TTC29: variants seen among roughly 807,000 people sequenced by gnomAD.
TTC29 encodes tetratricopeptide repeat protein 29.
A neutral mutation model predicts 58.1 loss-of-function variants in TTC29; 49 were observed. That is an observed-to-expected ratio of 0.84 (90% CI 0.67 to 1.07). The LOEUF is 1.07. Among genes scored for constraint, TTC29 ranks in the 50% least tolerant of loss-of-function variants. The probability of loss-of-function intolerance (pLI) is 0.00; values close to 1 mark genes in which losing one functional copy is unlikely to be tolerated. For synonymous variants in TTC29, 209 were observed against 196.8 expected (o/e 1.06, Z -0.52); for missense variants, 582 against 555.6 (o/e 1.05, Z -0.48).
intron 4 of TTC29, among the ~76,000 whole-genome samples, chr4:146,921,113 G>T (rs58778965): frequency 0.064 from 9,673 of 151,426 alleles, 1,069 homozygotes; most frequent in African/African-American, 0.22. Flanking sequence ...GTAAGTGTGC[G>T]CTGCGCACAT....
At chr4:146,826,978 G>T (rs1284318241) in intron 9 of TTC29, among the ~76,000 whole-genome samples, 1 of 151,850 alleles carries the variant, frequency 6.6e-6, no homozygotes, top group Non-Finnish European at 1.5e-5. Flanking sequence ...CTCTAAACTG[G>T]TTATTCTAGT....
At chr4:146,803,346 A>G (rs1481325246) in intron 11 of TTC29, 111 bp downstream of exon 11, 2 of 789,138 alleles carry the variant, frequency 2.5e-6, no homozygotes, top group South Asian at 1.9e-5. Flanking sequence ...TAAAATTGAA[A>G]TTACCAATCA....
intron 7 of TTC29, among the ~76,000 whole-genome samples, chr4:146,873,677 C>T (rs1241553851): frequency 2.0e-5 from 3 of 152,170 alleles, no homozygotes; most frequent in Non-Finnish European, 4.4e-5. Context: ...GGGGAAGGTA[C>T]TAGACCATTT....
At chr4:146,793,198 A>G (rs1749593100) in intron 11 of TTC29, among the ~76,000 whole-genome samples, 1 of 152,218 alleles carries the variant, frequency 6.6e-6, no homozygotes, top group Non-Finnish European at 1.5e-5. Flanking sequence ...TTTTAAGAGA[A>G]GTTCTACAGT....
At chr4:146,772,047 T>C (rs1170732244) in intron 11 of TTC29, among the ~76,000 whole-genome samples, 2 of 152,188 alleles carry the variant, frequency 1.3e-5, no homozygotes, top group Non-Finnish European at 2.9e-5. Flanking sequence ...TGCGTGTATG[T>C]CTTTTGAAAA....
intron 8 of TTC29, among the ~76,000 whole-genome samples, chr4:146,852,957 T>C (rs1729604944): frequency 1.3e-5 from 2 of 152,182 alleles, no homozygotes; most frequent in Admixed American, 1.3e-4. Context: ...TTATTACTTG[T>C]TAAGCATTTA....
At chr4:146,941,290 T>C (rs776577903) in intron 2 of TTC29, among the ~76,000 whole-genome samples, 1 of 152,206 alleles carries the variant, frequency 6.6e-6, no homozygotes, top group Non-Finnish European at 1.5e-5. Context: ...AGGTTTTAAA[T>C]GGCTTATCTT....
At chr4:146,836,458 T>C (rs1728516673) in intron 8 of TTC29, among the ~76,000 whole-genome samples, 1 of 152,102 alleles carries the variant, frequency 6.6e-6, no homozygotes, top group Non-Finnish European at 1.5e-5. Context: ...GAACATGAGC[T>C]GCAGTGGGAG....
At chr4:146,728,867 ATGTGTGTG>A (rs1561066902) in intron 11 of TTC29, among the ~76,000 whole-genome samples, 12 of 46,844 alleles carry the variant, frequency 2.6e-4, no homozygotes, top group Non-Finnish European at 4.9e-4. Flanking sequence ...ACACATATAT[ATGTGTGTG>A]TATATATATA....
intron 6 of TTC29, among the ~76,000 whole-genome samples, chr4:146,881,343 A>G (rs1731611942): frequency 6.6e-6 from 1 of 152,186 alleles, no homozygotes; most frequent in African/African-American, 2.4e-5. Flanking sequence ...CAGCACTGGT[A>G]TAAGTCTTAA....
At position 146,774,284 on chromosome 4, in the gene TTC29, T is replaced by C. The variant is rs964379562; in HGVS notation, c.1330+29173A>G. 2.0e-5 allele frequency among the ~76,000 whole-genome samples: 3 copies of C among 152,294 alleles called. No homozygotes were observed. The Middle Eastern group carries it at 0.01, about 518-fold the overall frequency. ...TTTTCTGCTAGCTTTGGGGTTGGTTTGTTCTTGCTTCTACAGTTCCCTTAC... is the reference window on the plus strand; with the variant it reads ...TTTTCTGCTAGCTTTGGGGTTGGTTCGTTCTTGCTTCTACAGTTCCCTTAC... On this transcript the variant is annotated intron_variant, in intron 11 of 12. Coordinates refer to ENST00000325106, the MANE Select transcript of TTC29 (RefSeq NM_031956.4).
intron 4 of TTC29, among the ~76,000 whole-genome samples, chr4:146,913,079 G>A (rs1428757386): frequency 6.6e-6 from 1 of 152,120 alleles, no homozygotes; most frequent in East Asian, 1.9e-4. Context: ...TACCCTAGAA[G>A]GCAGTTTGGG....
intron 4 of TTC29, among the ~76,000 whole-genome samples, chr4:146,933,653 A>G (rs1428075418): frequency 1.3e-5 from 2 of 152,246 alleles, no homozygotes; most frequent in Non-Finnish European, 2.9e-5. Flanking sequence ...AAGTCAAATC[A>G]TCATTATCAA....
intron 4 of TTC29, among the ~76,000 whole-genome samples, chr4:146,915,622 C>A (rs1318412425): frequency 6.6e-6 from 1 of 151,990 alleles, no homozygotes; most frequent in South Asian, 2.1e-4. Context: ...ATAGAAATTA[C>A]AATTTATTTT....
chr4:146,711,066 T>C (rs1341865272), intron 11 of TTC29, among the ~76,000 whole-genome samples: 4 of 152,134 alleles, frequency 2.6e-5, no homozygotes, highest in Non-Finnish European at 5.9e-5. Context: ...TGAATTTTTA[T>C]AATTTTGGCA....
chr4:146,797,164 G>A (rs1252356454), intron 11 of TTC29, among the ~76,000 whole-genome samples: 2 of 152,164 alleles, frequency 1.3e-5, no homozygotes, highest in African/African-American at 4.8e-5. Context: ...GCTGGCAGTT[G>A]TCTGCCTGGT....
At chr4:146,789,147 A>G (rs541101277) in intron 11 of TTC29, among the ~76,000 whole-genome samples, 1 of 152,328 alleles carries the variant, frequency 6.6e-6, no homozygotes, top group South Asian at 2.1e-4. Context: ...GTACATATTT[A>G]ATGTATACAA....
chr4:146,872,611 T>C lies in TTC29; in HGVS notation c.799+2105A>G, dbSNP rs114904550. ...AACGTCTGCCGAGAAGATATACAAA[T>C]GGCCAAGAAGCACATGAAAAAAAAT... On this transcript the variant is annotated intron_variant, in intron 7 of 12. Coordinates refer to ENST00000325106, the MANE Select transcript of TTC29 (RefSeq NM_031956.4). 4.0e-3 allele frequency among the ~76,000 whole-genome samples: 601 copies of C among 151,948 alleles called. 6 individuals are homozygous for C. Among genetic ancestry groups the C allele is most frequent in the African/African-American group, 0.013 (557 of 41,436 alleles).
chr4:146,858,388 T>A (rs994382620), intron 8 of TTC29, among the ~76,000 whole-genome samples: 6 of 152,224 alleles, frequency 3.9e-5, no homozygotes, highest in African/African-American at 1.4e-4. Flanking sequence ...ATTTGGCCAC[T>A]TATAATTAGA....
Sources: gnomAD v4.1 joint callset for allele counts (sites outside exome capture counted in the v4.1 genomes callset) on GRCh38, gnomAD v4.1.1 for gene constraint, MANE v1.5 for transcripts, NCBI Gene and HGNC (gene_info 2026-07-23, HGNC 2026-07-21) for gene names.